CACNA1C: variants seen among roughly 807,000 people sequenced by gnomAD.
CACNA1C encodes voltage-dependent L-type calcium channel subunit alpha-1C.
Under a neutral mutation model 229.0 loss-of-function variants are expected in CACNA1C, and 30 were observed. The ratio of observed to expected loss-of-function variants is 0.13; its 90% CI spans 0.10 to 0.18. CACNA1C has a LOEUF of 0.18. CACNA1C is among the 10% of genes least tolerant of loss of function. CACNA1C has a pLI of 1.00. For missense variants in CACNA1C, 1,658 were observed against 2,845.0 expected, an observed-to-expected ratio of 0.58 and a Z score of 9.49; for synonymous variants, 1,114 against 1,132.5, an observed-to-expected ratio of 0.98 and a Z score of 0.33.
Position 2,677,511 on chromosome 12 carries a change from G to A in CACNA1C, c.4957-222G>A, listed in dbSNP as rs2302730. The A allele has an allele frequency of 2.9e-5, 18 of 625,414 alleles. No individual in the cohort carries two copies. The highest frequency in any genetic ancestry group is 1.1e-4 in the African/African-American group (6 of 54,314). 38.7% of individuals were successfully genotyped at this position (625,414 alleles called of 1,614,324 possible). Reference sequence around the variant, plus strand: ...GACAGCCCCTGACCCCTGGTGCCCCGTCCTAATGAGCCTTCATCCCTCCTG... The same window carrying A: ...GACAGCCCCTGACCCCTGGTGCCCCATCCTAATGAGCCTTCATCCCTCCTG... On this transcript the variant is annotated intron_variant, in intron 40 of 46. Coordinates refer to ENST00000399655, the MANE Select transcript of CACNA1C (RefSeq NM_000719.7). The surrounding 1 kb of genome is among the most constrained non-coding windows in gnomAD (Gnocchi z 7.4).
rs1255257711 is a variant in CACNA1C at position 2,630,021 on chromosome 12, G to C, written c.3829-4276G>C. The stretch of plus-strand genomic sequence containing the variant: ...AATCCACTCAGCCTGTGGGATTGGG[G>C]GATGGCGAGGGCAAGGCTTCCAGCT... On this transcript the variant is annotated intron_variant, in intron 29 of 46. Transcript: ENST00000399655. This position sits in a 1 kb window ranked among gnomAD's most constrained non-coding sequence, Gnocchi z 5.4. 1.3e-5 allele frequency among the ~76,000 whole-genome samples: 2 copies of C among 152,196 alleles called. No homozygotes were observed. Among genetic ancestry groups the C allele is most frequent in the African/African-American group, 4.8e-5 (2 of 41,454 alleles).
intron 18 of CACNA1C, among the ~76,000 whole-genome samples, chr12:2,587,639 G>C (rs1481240023): frequency 2.0e-5 from 3 of 152,264 alleles, no homozygotes; most frequent in East Asian, 3.9e-4. Context: ...TTGTCACCAG[G>C]TCGGCCATCC....
At chr12:2,547,839 A>T (rs2099884607) in intron 9 of CACNA1C, among the ~76,000 whole-genome samples, 1 of 152,218 alleles carries the variant, frequency 6.6e-6, no homozygotes, top group African/African-American at 2.4e-5. Context: ...GGTTGGAACC[A>T]GCACAGGCAG....
intron 3 of CACNA1C, among the ~76,000 whole-genome samples, chr12:2,232,070 A>C (rs947062521): frequency 6.6e-6 from 1 of 152,116 alleles, no homozygotes; most frequent in Non-Finnish European, 1.5e-5. Context: ...CATGGGTATA[A>C]TACTTTTAAC....
At chr12:2,314,129 C>T (rs2239040) in intron 3 of CACNA1C, among the ~76,000 whole-genome samples, 2,187 of 152,304 alleles carry the variant, frequency 0.014, 64 homozygotes, top group East Asian at 0.11. Flanking sequence ...AATCTAGCCA[C>T]GTCACCTTCT....
At chr12:2,378,819 T>TTC (rs745485698) in intron 3 of CACNA1C, among the ~76,000 whole-genome samples, 28,535 of 146,608 alleles carry the variant, frequency 0.19, 2,855 homozygotes, top group Non-Finnish European at 0.23. Flanking sequence ...CCTTCCTTCC[T>TTC]CTCTCTCTTT....
intron 5 of CACNA1C, among the ~76,000 whole-genome samples, chr12:2,475,312 AAAG>A (rs2099620638): frequency 6.6e-6 from 1 of 152,144 alleles, no homozygotes; most frequent in African/African-American, 2.4e-5. Context: ...AAAAAAAAGA[AAAG>A]AAAAGAAAAG....
intron 2 of CACNA1C, among the ~76,000 whole-genome samples, chr12:2,118,631 C>T (rs895605536): frequency 2.6e-5 from 4 of 152,160 alleles, no homozygotes; most frequent in Non-Finnish European, 4.4e-5. Flanking sequence ...TCTGTTGGGC[C>T]GTAAGAATGT....
At chr12:2,243,668 A>G (rs2071638144) in intron 3 of CACNA1C, among the ~76,000 whole-genome samples, 1 of 152,230 alleles carries the variant, frequency 6.6e-6, no homozygotes, top group Non-Finnish European at 1.5e-5. Flanking sequence ...TAATGGGATA[A>G]TAGTAGCTAC....
chr12:2,241,731 A>G (rs138422414), intron 3 of CACNA1C, among the ~76,000 whole-genome samples: 177 of 152,242 alleles, frequency 1.2e-3, no homozygotes, highest in African/African-American at 4.0e-3. Context: ...TTAATCATTC[A>G]TGGGGGAATT....
At chr12:2,327,558 CTCCA>C (rs1160823658) in intron 3 of CACNA1C, among the ~76,000 whole-genome samples, 1 of 152,238 alleles carries the variant, frequency 6.6e-6, no homozygotes, top group African/African-American at 2.4e-5. Context: ...GACCTCCACA[CTCCA>C]TCCATTTCTA....
At chr12:2,543,134 A>G (rs2099875443) in intron 9 of CACNA1C, among the ~76,000 whole-genome samples, 1 of 152,220 alleles carries the variant, frequency 6.6e-6, no homozygotes, top group African/African-American at 2.4e-5. Flanking sequence ...CATTTGGTCC[A>G]TAGCACCTGG....
intron 3 of CACNA1C, among the ~76,000 whole-genome samples, chr12:2,189,540 G>T (rs917715734): frequency 6.6e-6 from 1 of 152,178 alleles, no homozygotes; most frequent in Non-Finnish European, 1.5e-5. Flanking sequence ...GAAGCTGGGC[G>T]CTGGCTGCTG....
intron 3 of CACNA1C, among the ~76,000 whole-genome samples, chr12:2,230,728 A>G (rs984762636): frequency 4.6e-5 from 7 of 152,238 alleles, no homozygotes; most frequent in Admixed American, 4.6e-4. Context: ...AAAGCCATAA[A>G]TACATTTCTC....
intron 3 of CACNA1C, among the ~76,000 whole-genome samples, chr12:2,345,938 C>T (rs2097001291): frequency 6.6e-6 from 1 of 152,202 alleles, no homozygotes; most frequent in Non-Finnish European, 1.5e-5. Context: ...ACCCACTCGC[C>T]TCCTCAGGAC....
chr12:2,673,236 G>A (rs2096640450), intron 38 of CACNA1C, among the ~76,000 whole-genome samples: 1 of 151,974 alleles, frequency 6.6e-6, no homozygotes, highest in Admixed American at 6.6e-5. Flanking sequence ...AGCACTTTGG[G>A]AGGCTGAGGC....
chr12:2,606,842 C>T, intron 25 of CACNA1C, 142 bp from the exon 26 acceptor site: 2 of 1,046,458 alleles, frequency 1.9e-6, no homozygotes, highest in Non-Finnish European at 1.4e-6. Flanking sequence ...GAAGTTTCTG[C>T]CCACTGAAGC....
chr12:2,342,994 T>A (rs2096907481), intron 3 of CACNA1C, among the ~76,000 whole-genome samples: 1 of 152,244 alleles, frequency 6.6e-6, no homozygotes, highest in Non-Finnish European at 1.5e-5. Flanking sequence ...ATAGGATCAT[T>A]TCCAATTTGC....
chr12:2,247,095 G>A (rs778742498), intron 3 of CACNA1C, among the ~76,000 whole-genome samples: 1 of 152,200 alleles, frequency 6.6e-6, no homozygotes, highest in African/African-American at 2.4e-5. Flanking sequence ...CTGCAAATCT[G>A]TAGCTTCCTT....
Sources: gnomAD v4.1 joint callset for allele counts (sites outside exome capture counted in the v4.1 genomes callset) on GRCh38, gnomAD v4.1.1 for gene constraint, Gnocchi (gnomAD v3.1) non-coding constraint, MANE v1.5 for transcripts, NCBI Gene and HGNC (gene_info 2026-07-23, HGNC 2026-07-21) for gene names.